The following FBXL5 variants were observed in gnomAD, a reference collection of about 807,000 sequenced individuals.
FBXL5 encodes the protein F-box/LRR-repeat protein 5.
FBXL5 carries 26 observed loss-of-function variants against 78.3 expected under a neutral mutation model. That is an observed-to-expected ratio of 0.33 (90% CI 0.24 to 0.46). The LOEUF (loss-of-function observed/expected upper bound fraction) is 0.46, where lower values mean the gene tolerates loss of function less well. Among genes scored for constraint, FBXL5 ranks in the 20% least tolerant of loss-of-function variants. The pLI is 1.00. For synonymous variants in FBXL5, 295 were observed against 282.5 expected (o/e 1.04, Z -0.45); for missense variants, 710 against 829.2 (o/e 0.86, Z 1.77).
intron 1 of FBXL5, among the ~76,000 whole-genome samples, chr4:15,666,080 G>T (rs1435114252): frequency 3.3e-5 from 5 of 151,964 alleles, no homozygotes; most frequent in Admixed American, 3.3e-4. Flanking sequence ...ACCTTTTAGG[G>T]TGACTTGGCT....
chr4:15,628,937 A>T (rs996705158), intron 6 of FBXL5, among the ~76,000 whole-genome samples: 3 of 152,042 alleles, frequency 2.0e-5, no homozygotes, highest in Non-Finnish European at 2.9e-5. Flanking sequence ...TTAAATTTTT[A>T]ATTTTTTATT....
At chr4:15,643,860 T>A (rs1359333423) in intron 2 of FBXL5, among the ~76,000 whole-genome samples, 4 of 152,244 alleles carry the variant, frequency 2.6e-5, no homozygotes, top group Non-Finnish European at 5.9e-5. Context: ...ATTTTATAAT[T>A]AAAACTTCGA....
At chr4:15,651,118 TCAGA>T (rs1043728947) in intron 1 of FBXL5, among the ~76,000 whole-genome samples, 1 of 152,200 alleles carries the variant, frequency 6.6e-6, no homozygotes, top group Non-Finnish European at 1.5e-5. Flanking sequence ...GTCTACTCAC[TCAGA>T]CAATGCTTTA....
chr4:15,662,720 T>C (rs1034224757), upstream of FBXL5, among the ~76,000 whole-genome samples: 7 of 152,194 alleles, frequency 4.6e-5, no homozygotes, highest in African/African-American at 1.7e-4. Flanking sequence ...ATCCATTCAA[T>C]CCATTATCTT....
chr4:15,672,620 T>C (rs1316685497), intron 1 of FBXL5, among the ~76,000 whole-genome samples: 1 of 152,170 alleles, frequency 6.6e-6, no homozygotes, highest in African/African-American at 2.4e-5. Context: ...TGAATGGAGC[T>C]TGTAGGACTA....
intron 9 of FBXL5, among the ~76,000 whole-genome samples, chr4:15,617,000 A>C (rs1403193244): frequency 6.6e-6 from 1 of 152,200 alleles, no homozygotes; most frequent in East Asian, 1.9e-4. Context: ...TGTGGAGAAA[A>C]AGCAATGTTT....
At chr4:15,659,603 A>G, upstream of FBXL5, 1 of 276,372 alleles carries the variant, frequency 3.6e-6, no homozygotes, top group Non-Finnish European at 5.5e-6. Flanking sequence ...TAATACTAAA[A>G]TCATAGTCTC....
upstream of FBXL5, among the ~76,000 whole-genome samples, chr4:15,663,274 G>C (rs553187368): frequency 6.6e-6 from 1 of 152,278 alleles, no homozygotes; most frequent in South Asian, 2.1e-4. Flanking sequence ...GTACTCCACT[G>C]CATGGGACAT....
chr4:15,632,430 G>C (rs1187335601), intron 5 of FBXL5, among the ~76,000 whole-genome samples: 5 of 152,128 alleles, frequency 3.3e-5, no homozygotes, highest in Admixed American at 2.0e-4. Flanking sequence ...CTTTAACGTA[G>C]TTTTTTCCAA....
intron 10 of FBXL5, among the ~76,000 whole-genome samples, chr4:15,608,829 T>C (rs1325754527): frequency 6.6e-6 from 1 of 152,138 alleles, no homozygotes; most frequent in African/African-American, 2.4e-5. Flanking sequence ...CCAATAATCA[T>C]GAAAGTGACA....
intron 1 of FBXL5, among the ~76,000 whole-genome samples, chr4:15,673,342 G>A (rs1437857512): frequency 6.6e-6 from 1 of 152,160 alleles, no homozygotes; most frequent in African/African-American, 2.4e-5. Flanking sequence ...TTGGGAGGCT[G>A]AGGTGGGAGG....
At chr4:15,632,770 T>C (rs1394943678) in intron 5 of FBXL5, among the ~76,000 whole-genome samples, 6 of 152,256 alleles carry the variant, frequency 3.9e-5, no homozygotes, top group African/African-American at 1.2e-4. Context: ...CCTGAGACTT[T>C]GCTGAAGTTG....
At chr4:15,656,740 C>A (rs1277760087), upstream of FBXL5, among the ~76,000 whole-genome samples, 1 of 150,196 alleles carries the variant, frequency 6.7e-6, no homozygotes, top group East Asian at 1.9e-4. Flanking sequence ...TGAAATGAAG[C>A]TAATAATACC....
intron 5 of FBXL5, among the ~76,000 whole-genome samples, chr4:15,634,389 C>T (rs796113032): frequency 3.3e-5 from 5 of 151,824 alleles, no homozygotes; most frequent in African/African-American, 7.2e-5. Flanking sequence ...TTTTTTGAGA[C>T]GGAGTCTCAC....
At chr4:15,647,190 T>C (rs1715453051) in intron 1 of FBXL5, among the ~76,000 whole-genome samples, 1 of 113,494 alleles carries the variant, frequency 8.8e-6, no homozygotes. Context: ...GCCACTGCAC[T>C]CCAGCCTGGG....
intron 1 of FBXL5, among the ~76,000 whole-genome samples, chr4:15,665,022 C>T (rs755554563): frequency 6.6e-6 from 1 of 152,116 alleles, no homozygotes; most frequent in Non-Finnish European, 1.5e-5. Context: ...CAAAGGGCTT[C>T]TGAATTATCA....
At chr4:15,666,996 T>C (rs1055706059) in intron 1 of FBXL5, among the ~76,000 whole-genome samples, 2 of 151,682 alleles carry the variant, frequency 1.3e-5, no homozygotes, top group Non-Finnish European at 2.9e-5. Context: ...TTATAAATTA[T>C]CAATCAAAAT....
chr4:15,654,590 A>G (rs1560242216), intron 1 of FBXL5, among the ~76,000 whole-genome samples: 4 of 152,226 alleles, frequency 2.6e-5, no homozygotes, highest in Admixed American at 2.6e-4. Flanking sequence ...ACGACACATG[A>G]AGAGTGAAGG....
At chr4:15,636,943 G>A (rs1027450259) in intron 4 of FBXL5, among the ~76,000 whole-genome samples, 2 of 152,080 alleles carry the variant, frequency 1.3e-5, no homozygotes, top group African/African-American at 4.8e-5. Context: ...CTCTTACAAA[G>A]GCATCACAGA....
Sources: allele counts gnomAD v4.1 joint callset (sites outside exome capture counted in the v4.1 genomes callset), GRCh38; gene constraint gnomAD v4.1.1; transcripts MANE v1.5; gene names NCBI Gene and HGNC (gene_info 2026-07-23, HGNC 2026-07-21).